CDCA8: variants seen among roughly 807,000 people sequenced by gnomAD.
The protein encoded by CDCA8 is borealin.
In CDCA8, 25 loss-of-function variants were observed where a neutral mutation model predicts 40.0. That is an observed-to-expected ratio of 0.63 (90% CI 0.46 to 0.87). The LOEUF (loss-of-function observed/expected upper bound fraction) is 0.87, where lower values mean the gene tolerates loss of function less well. Ranked by LOEUF, CDCA8 falls within the 40% of genes least tolerant of loss-of-function variation. The probability of loss-of-function intolerance (pLI) is 0.00; values close to 1 mark genes in which losing one functional copy is unlikely to be tolerated. For synonymous variants in CDCA8, 111 were observed against 126.5 expected, an observed-to-expected ratio of 0.88 and a Z score of 0.82; for missense variants, 280 against 348.4, an observed-to-expected ratio of 0.80 and a Z score of 1.56.
At chr1:37,703,180 G>C (rs997490497) in intron 6 of CDCA8, 72 bp from the exon 7 acceptor site, 21 of 1,154,450 alleles carry the variant, frequency 1.8e-5, no homozygotes, top group Non-Finnish European at 2.4e-5. Flanking sequence ...AGCTCTCCAC[G>C]TGTCACTCCT....
chr1:37,700,164 G>A (rs374890966), intron 4 of CDCA8, among the ~76,000 whole-genome samples: 193 of 152,198 alleles, frequency 1.3e-3, no homozygotes, highest in African/African-American at 3.8e-3. Flanking sequence ...CCAGGATTTC[G>A]GGGCTACACA....
rs1275885835 is a variant in CDCA8, at chr1:37,708,857, G to A, written c.*491G>A. Reference sequence around the variant, plus strand: ...GGGCCATGAGAGGGTAGGTCCAGAAGGTGGGGGGAACTGTACAGATCAGCA... The same window carrying A: ...GGGCCATGAGAGGGTAGGTCCAGAAAGTGGGGGGAACTGTACAGATCAGCA... On this transcript the variant is annotated 3_prime_UTR_variant, in exon 10 of 10. Coordinates refer to ENST00000373055, the MANE Select transcript of CDCA8 (RefSeq NM_001256875.2). 1 of 222,062 alleles carries A rather than the reference G, an allele frequency of 4.5e-6. No homozygotes were observed. The highest frequency in any genetic ancestry group is 9.1e-6 in the Non-Finnish European group (1 of 109,486). The allele number at this position is 222,062 out of a possible 1,614,324, so 13.8% of individuals were successfully genotyped here.
At position 37,705,594 on chromosome 1, in the gene CDCA8, C is replaced by T. The variant is rs144039664; in HGVS notation, c.711+27C>T. The T allele has an allele frequency of 5.4e-3, 8,770 of 1,610,500 alleles. 25 individuals carry two copies. Among genetic ancestry groups the T allele is most frequent in the Non-Finnish European group, 6.7e-3 (7,940 of 1,178,484 alleles). On this transcript the variant is annotated intron_variant, in intron 8 of 9. Transcript: ENST00000373055. ...TGAAGTATTTCCAAGGGAAGCCAGG[C>T]CACAGTGTGCTGCTTAGTCAAGCAT...
In CDCA8 at chr1:37,708,374, A is replaced by G; in HGVS notation, c.*8A>G. 1 of 1,613,850 alleles carries G rather than the reference A, an allele frequency of 6.2e-7. No homozygotes were observed. The highest frequency in any genetic ancestry group is 1.1e-5 in the South Asian group (1 of 91,066). ...ATACGGACCCACAAATGAGACACCA[A>G]AGTTGACAGGATGGACTTTTAATGG... is the stretch of plus-strand genomic sequence containing the variant. On this transcript the variant is annotated 3_prime_UTR_variant, in exon 10 of 10. Transcript: ENST00000373055.
Position 37,706,064 on chromosome 1 carries a change from G to A in CDCA8, c.711+497G>A, listed in dbSNP as rs530226838. On this transcript the variant is annotated intron_variant, in intron 8 of 9. Transcript: ENST00000373055. ...GACCTCGTGATCCGCCCTCCTCGGC[G>A]TCCCAAAGTGCTGGGATTACAGGCA... 9.3e-5 allele frequency among the ~76,000 whole-genome samples: 14 copies of A among 150,630 alleles called. No individual in the cohort carries two copies. In the South Asian group the frequency reaches 1.1e-3, roughly 11 times the overall value.
At position 37,708,801 on chromosome 1, in the gene CDCA8, C is replaced by T. The variant is rs1373269410; in HGVS notation, c.*435C>T. ...CATTTCTGCTCTCTATGCTTGAGAC[C>T]GGGAGGTTTAGGCTCAGATAAGTGA... On this transcript the variant is annotated 3_prime_UTR_variant, in exon 10 of 10. Transcript: ENST00000373055. 1.6e-5 allele frequency: 4 copies of T among 250,560 alleles called. No individual in the cohort carries two copies. In the Admixed American group the frequency reaches 1.9e-4, roughly 12 times the overall value. 15.5% of individuals were successfully genotyped at this position (250,560 alleles called of 1,614,324 possible).
chr1:37,695,688 C>T lies in CDCA8; in HGVS notation c.224-222C>T, dbSNP rs183040978. Among the ~76,000 whole-genome samples the T allele has an allele frequency of 4.8e-3, 724 of 152,070 alleles. 9 individuals are homozygous for T. The highest frequency in any genetic ancestry group is 0.01 in the Middle Eastern group (3 of 294). ...GGATGAGTTAGAAATTTGTTAAGTACGGAGGTGAATTTCAGGCAGAGGAAA... is the reference window on the plus strand; with the variant it reads ...GGATGAGTTAGAAATTTGTTAAGTATGGAGGTGAATTTCAGGCAGAGGAAA... On this transcript the variant is annotated intron_variant, in intron 2 of 9. Transcript: ENST00000373055.
At chr1:37,694,009 G>A (rs777402874) in intron 2 of CDCA8, among the ~76,000 whole-genome samples, 6 of 152,110 alleles carry the variant, frequency 3.9e-5, no homozygotes, top group East Asian at 1.9e-4. Flanking sequence ...GCGTGGTGGC[G>A]CATACCTCTA....
At chr1:37,704,096 G>C (rs969802952) in intron 7 of CDCA8, among the ~76,000 whole-genome samples, 1 of 151,912 alleles carries the variant, frequency 6.6e-6, no homozygotes, top group African/African-American at 2.4e-5. Context: ...CACCATGCCT[G>C]GCTAATTTTT....
Position 37,707,052 on chromosome 1 carries a change from T to C in CDCA8, c.786T>C (p.Ile262=). 6.2e-7 allele frequency: 1 copy of C among 1,613,872 alleles called. No homozygotes were observed. Among genetic ancestry groups the C allele is most frequent in the South Asian group, 1.1e-5 (1 of 91,076 alleles). ...TGGATCCAGAGGCCTTGGGAAACATTAAGAAGCTCTCCGTAAGTCTCATAT... is the reference window on the plus strand; with the variant it reads ...TGGATCCAGAGGCCTTGGGAAACATCAAGAAGCTCTCCGTAAGTCTCATAT... ...AQLDPEALGN[I]KKLSNRLAQI... is the part of the protein sequence containing the mutation. Residue 262 remains isoleucine (I), a synonymous_variant, in exon 9 of 10, where the codon ATT becomes ATC. Transcript: ENST00000373055.
chr1:37,708,087 G>C (rs1262002897), intron 9 of CDCA8, among the ~76,000 whole-genome samples: 1 of 152,222 alleles, frequency 6.6e-6, no homozygotes, highest in Non-Finnish European at 1.5e-5. Context: ...CAAATCTTGT[G>C]ACTGTCATCC....
At chr1:37,704,462 C>T (rs149968128) in intron 7 of CDCA8, among the ~76,000 whole-genome samples, 18 of 152,148 alleles carry the variant, frequency 1.2e-4, no homozygotes, top group African/African-American at 4.3e-4. Flanking sequence ...AGAGCATCTC[C>T]GAGCAGGTTG....
intron 3 of CDCA8, among the ~76,000 whole-genome samples, chr1:37,697,445 A>G (rs1480715088): frequency 6.6e-6 from 1 of 152,276 alleles, no homozygotes; most frequent in Non-Finnish European, 1.5e-5. Flanking sequence ...TAGAGAGTCA[A>G]TGCCCAGAGT....
chr1:37,698,982 G>A lies in CDCA8; in HGVS notation c.337+5G>A. 1 of 1,603,572 alleles carries A rather than the reference G, an allele frequency of 6.2e-7. No individual in the cohort carries two copies. The highest frequency in any genetic ancestry group is 8.5e-7 in the Non-Finnish European group (1 of 1,170,450). On this transcript the variant is annotated splice_donor_5th_base_variant and intron_variant, in intron 4 of 9. Transcript: ENST00000373055. ...CACCCCTGAAATCTGCCAAAAGTGA[G>A]TACCTTTCAAAACTCCTTGTTGTAC...
chr1:37,700,810 G>A (rs573403315), intron 5 of CDCA8, among the ~76,000 whole-genome samples: 1 of 152,192 alleles, frequency 6.6e-6, no homozygotes, highest in Non-Finnish European at 1.5e-5. Flanking sequence ...GATAGATGGG[G>A]GAGGCGGAAA....
intron 8 of CDCA8, among the ~76,000 whole-genome samples, chr1:37,705,895 T>G (rs1645596528): frequency 6.8e-6 from 1 of 146,744 alleles, no homozygotes; most frequent in South Asian, 2.4e-4. Context: ...CTGCAACCTC[T>G]GCCTCCTGGG....
At chr1:37,695,829 G>A in intron 2 of CDCA8, 81 bp from the exon 3 acceptor site, 1 of 1,326,678 alleles carries the variant, frequency 7.5e-7, no homozygotes, top group Non-Finnish European at 1.1e-6. Context: ...GGCTGGACCA[G>A]TTTTAGAAAG....
intron 7 of CDCA8, 120 bp downstream of exon 7, chr1:37,703,467 G>A: frequency 1.3e-6 from 1 of 765,514 alleles, no homozygotes; most frequent in Non-Finnish European, 2.3e-6. Context: ...TGTAATACCA[G>A]CACTTTGAGA....
chr1:37,694,243 T>C (rs1212801564), intron 2 of CDCA8, among the ~76,000 whole-genome samples: 1 of 152,256 alleles, frequency 6.6e-6, no homozygotes, highest in African/African-American at 2.4e-5. Context: ...TGTACTTTTC[T>C]GCTGGGTTGC....
Sources: allele counts gnomAD v4.1 joint callset (sites outside exome capture counted in the v4.1 genomes callset), GRCh38; gene constraint gnomAD v4.1.1; transcripts MANE v1.5; gene names NCBI Gene and HGNC (gene_info 2026-07-23, HGNC 2026-07-21).